PRR33: variants seen among roughly 807,000 people sequenced by gnomAD.
PRR33 encodes proline rich 33.
Under a neutral mutation model 0.5 loss-of-function variants are expected in PRR33, and 1 was observed. The ratio of observed to expected loss-of-function variants is 2.18; its 90% CI spans 0.77 to 10.34. The LOEUF is 10.34. PRR33 is among the 30% of genes most tolerant of loss of function. The probability of loss-of-function intolerance (pLI) is 0.13; values close to 1 mark genes in which losing one functional copy is unlikely to be tolerated. For missense variants in PRR33, 552 were observed against 251.8 expected (o/e 2.19, Z -8.07); for synonymous variants, 226 against 110.0 (o/e 2.06, Z -6.60).
At chr11:1,906,559 T>G in the PRR33 span, among the ~76,000 whole-genome samples, 1 of 152,166 alleles carries the variant, frequency 6.6e-6, no homozygotes, top group Non-Finnish European at 1.5e-5. Flanking sequence ...TGTTCTGGAA[T>G]GTAGCTGTTT....
chr11:1,902,978 C>A, the PRR33 span: 1 of 152,072 alleles, frequency 6.6e-6, no homozygotes, highest in Non-Finnish European at 1.5e-5. Context: ...GCAGTGAGGA[C>A]GACCAGAGGT....
upstream of PRR33, among the ~76,000 whole-genome samples, chr11:1,892,871 G>A (rs1201243903): frequency 6.6e-6 from 1 of 152,100 alleles, no homozygotes; most frequent in African/African-American, 2.4e-5. Flanking sequence ...TGGGTGAATG[G>A]ATGGGTAGGT....
the PRR33 span, among the ~76,000 whole-genome samples, chr11:1,907,242 A>C: frequency 5.3e-5 from 8 of 152,362 alleles, no homozygotes; most frequent in Non-Finnish European, 1.0e-4. Context: ...CCAGGAGTGG[A>C]AATCTGCCTT....
chr11:1,902,370 C>G, the PRR33 span, among the ~76,000 whole-genome samples: 1 of 152,200 alleles, frequency 6.6e-6, no homozygotes, highest in East Asian at 1.9e-4. Flanking sequence ...GAAAGGCTTC[C>G]CTCGGCCTGG....
At chr11:1,917,504 T>C in the PRR33 span, among the ~76,000 whole-genome samples, 1 of 152,108 alleles carries the variant, frequency 6.6e-6, no homozygotes, top group Admixed American at 6.5e-5. Context: ...TGGGTGGAAA[T>C]GCGTCCCCAA....
At chr11:1,908,654 C>T in the PRR33 span, among the ~76,000 whole-genome samples, 490 of 152,250 alleles carry the variant, frequency 3.2e-3, 4 homozygotes, top group Non-Finnish European at 3.4e-3. Context: ...TATTTTGCAT[C>T]TGGCCGCGTT....
At chr11:1,901,623 A>G in the PRR33 span, among the ~76,000 whole-genome samples, 1 of 152,352 alleles carries the variant, frequency 6.6e-6, no homozygotes, top group East Asian at 1.9e-4. Context: ...GATAACTCTT[A>G]GGTGAAACAA....
the PRR33 span, among the ~76,000 whole-genome samples, chr11:1,899,613 G>A: frequency 1.4e-4 from 21 of 152,070 alleles, no homozygotes; most frequent in Admixed American, 7.2e-4. Context: ...AAATGGACCC[G>A]ACGGCCATCC....
chr11:1,906,144 G>A, the PRR33 span, among the ~76,000 whole-genome samples: 1 of 152,120 alleles, frequency 6.6e-6, no homozygotes, highest in East Asian at 1.9e-4. Flanking sequence ...TCTTAATAGG[G>A]GAGTTTAGCC....
At chr11:1,913,353 A>C in the PRR33 span, among the ~76,000 whole-genome samples, 6 of 145,742 alleles carry the variant, frequency 4.1e-5, no homozygotes, top group African/African-American at 1.3e-4. Context: ...ACCGTGTGTT[A>C]GCCAGGCTGG....
chr11:1,914,523 T>C, the PRR33 span, among the ~76,000 whole-genome samples: 1 of 148,192 alleles, frequency 6.7e-6, no homozygotes, highest in Non-Finnish European at 1.5e-5. Context: ...CCAGGGATGA[T>C]GTTGCTCTGT....
chr11:1,915,251 G>A, the PRR33 span, among the ~76,000 whole-genome samples: 1 of 150,366 alleles, frequency 6.7e-6, no homozygotes. Context: ...ATATTGCTAT[G>A]TGTGTGTGTT....
At chr11:1,915,016 GTGT>G in the PRR33 span, among the ~76,000 whole-genome samples, 4 of 151,350 alleles carry the variant, frequency 2.6e-5, no homozygotes, top group Non-Finnish European at 5.9e-5. Context: ...CTCTGTGTGT[GTGT>G]TGTGGGGACA....
the PRR33 span, among the ~76,000 whole-genome samples, chr11:1,913,107 T>C: frequency 1.4e-4 from 21 of 151,770 alleles, no homozygotes; most frequent in Non-Finnish European, 2.1e-4. Context: ...TAATCCATAC[T>C]TTGTTTTCTT....
At chr11:1,909,079 C>T in the PRR33 span, among the ~76,000 whole-genome samples, 6 of 152,236 alleles carry the variant, frequency 3.9e-5, no homozygotes, top group Non-Finnish European at 7.3e-5. Flanking sequence ...ACCCAGCCCC[C>T]ACTTAGCTTA....
the PRR33 span, among the ~76,000 whole-genome samples, chr11:1,900,196 T>C: frequency 6.6e-6 from 1 of 152,204 alleles, no homozygotes; most frequent in East Asian, 1.9e-4. Context: ...GCTGGACTTA[T>C]ATCTTCTTAA....
the PRR33 span, among the ~76,000 whole-genome samples, chr11:1,905,507 C>G: frequency 1.4e-5 from 2 of 146,344 alleles, no homozygotes; most frequent in Non-Finnish European, 3.0e-5. Flanking sequence ...GGCGTGATCT[C>G]AGCTCACTGC....
At chr11:1,892,375 A>G (rs11041701), upstream of PRR33, 52,548 of 152,224 alleles carry the variant, frequency 0.35, 9,856 homozygotes, top group African/African-American at 0.5. Context: ...CTCTGGGTTC[A>G]GGCAGTCTGA....
chr11:1,913,760 A>C, the PRR33 span, among the ~76,000 whole-genome samples: 1 of 152,258 alleles, frequency 6.6e-6, no homozygotes, highest in African/African-American at 2.4e-5. Context: ...GCTCTGCTTC[A>C]GTCCCTGTCT....
Sources: allele counts gnomAD v4.1 joint callset (sites outside exome capture counted in the v4.1 genomes callset), GRCh38; gene constraint gnomAD v4.1.1; transcripts MANE v1.5; gene names NCBI Gene and HGNC (gene_info 2026-07-23, HGNC 2026-07-21).